Variants in PHF20 observed in about 807,000 individuals in gnomAD.
The protein encoded by PHF20 is glioma-expressed antigen 2.
PHF20 carries 23 observed loss-of-function variants against 113.5 expected under a neutral mutation model. The observed-to-expected ratio is 0.20, with a 90% CI of 0.15 to 0.29. PHF20 has a LOEUF of 0.29. Ranked by LOEUF, PHF20 falls within the 10% of genes least tolerant of loss-of-function variation. The pLI, the probability that PHF20 is intolerant of heterozygous loss-of-function variation, is 1.00. For missense variants in PHF20, 943 were observed against 1,219.6 expected, an observed-to-expected ratio of 0.77 and a Z score of 3.38; for synonymous variants, 434 against 457.3, an observed-to-expected ratio of 0.95 and a Z score of 0.65.
intron 9 of PHF20, among the ~76,000 whole-genome samples, chr20:35,891,017 T>C (rs2054839795): frequency 6.6e-6 from 1 of 152,222 alleles, no homozygotes; most frequent in African/African-American, 2.4e-5. Context: ...GGAAACAGTC[T>C]TGGAGAGGCT....
chr20:35,863,207 G>C lies in PHF20; in HGVS notation c.615G>C (p.Lys205Asn), dbSNP rs1287810590. Residue 205 changes from lysine to asparagine, a missense_variant, in exon 6 of 18, where the codon AAG becomes AAC. Physicochemically the swap from Lys to Asn is moderately conservative, Grantham distance 94 (BLOSUM62 0). This residue lies in a region of PHF20 where 592 missense variants were observed against 787.2 expected (regional missense o/e 0.75). Coordinates refer to ENST00000374012, the MANE Select transcript of PHF20 (RefSeq NM_016436.5). ...DKEGKLICSE[K>N]GKVSEKSLPK... ...AAGGAAAGTTAATCTGTTCTGAAAA[G>C]GGGAAAGTGTCAGAGAAAAGTCTTC... The C allele has an allele frequency of 6.2e-7, 1 of 1,613,826 alleles. No individual in the cohort carries two copies. The highest frequency in any genetic ancestry group is 1.3e-5 in the African/African-American group (1 of 74,886).
At chr20:35,791,296 A>T (rs1253330847) in intron 1 of PHF20, among the ~76,000 whole-genome samples, 2 of 152,144 alleles carry the variant, frequency 1.3e-5, no homozygotes, top group East Asian at 3.9e-4. Context: ...CCAATACCTG[A>T]CTAGCCTTGG....
chr20:35,850,909 G>T, intron 4 of PHF20: 1 of 688,570 alleles, frequency 1.5e-6, no homozygotes, highest in Admixed American at 2.0e-5. Context: ...TTGACCAAGG[G>T]AAACATCGTG....
chr20:35,891,308 CG>C (rs2147038176), intron 9 of PHF20, among the ~76,000 whole-genome samples: 1 of 146,400 alleles, frequency 6.8e-6, no homozygotes, highest in African/African-American at 2.5e-5. Flanking sequence ...ACCCAGGAGG[CG>C]GAGGTTGCAG....
At chr20:35,937,834 T>G (rs1227939442) in intron 15 of PHF20, among the ~76,000 whole-genome samples, 1 of 152,214 alleles carries the variant, frequency 6.6e-6, no homozygotes, top group Admixed American at 6.5e-5. Flanking sequence ...TTTGTCAGTC[T>G]GAGGGTCTCT....
chr20:35,946,159 C>T (rs964566775), intron 17 of PHF20, among the ~76,000 whole-genome samples: 11 of 150,028 alleles, frequency 7.3e-5, no homozygotes, highest in Admixed American at 6.0e-4. Context: ...GCAACAAGAG[C>T]GAAACTCTGT....
intron 2 of PHF20, among the ~76,000 whole-genome samples, chr20:35,841,657 A>T (rs2042537419): frequency 1.3e-5 from 2 of 151,898 alleles, no homozygotes; most frequent in Admixed American, 1.3e-4. Flanking sequence ...GTAGTCCCAG[A>T]TACTCAGGAA....
chr20:35,914,058 T>C lies in PHF20; in HGVS notation c.1686T>C (p.Ser562=). ...AATGCCCCTGCAGTGAGGAGATCAG[T>C]GACACCTCCCAGGAACCTTCTCCAC... ...KPECPCSEEI[S]DTSQEPSPPK... The change falls in exon 12 of 18, where the codon AGT becomes AGC. Residue 562 remains serine, a synonymous_variant. Coordinates refer to ENST00000374012, the MANE Select transcript of PHF20 (RefSeq NM_016436.5). 1 of 1,614,134 alleles carries C rather than the reference T, an allele frequency of 6.2e-7. No individual in the cohort carries two copies.
chr20:35,849,483 G>A (rs2042680787), intron 4 of PHF20: 1 of 468,896 alleles, frequency 2.1e-6, no homozygotes, highest in Non-Finnish European at 4.4e-6. Context: ...GGTTAATCAT[G>A]GTAGGCACCT....
intron 2 of PHF20, among the ~76,000 whole-genome samples, chr20:35,834,109 T>A (rs1173779103): frequency 6.6e-6 from 1 of 151,826 alleles, no homozygotes; most frequent in African/African-American, 2.4e-5. Flanking sequence ...TTTATTCAAG[T>A]GCTTTAGAAG....
intron 17 of PHF20, among the ~76,000 whole-genome samples, chr20:35,944,276 G>A (rs1024065884): frequency 3.3e-5 from 5 of 152,200 alleles, no homozygotes. Context: ...TAGACAGACA[G>A]CTTCCATCTC....
intron 13 of PHF20, among the ~76,000 whole-genome samples, chr20:35,920,542 A>G (rs2055492232): frequency 6.6e-6 from 1 of 152,264 alleles, no homozygotes; most frequent in Non-Finnish European, 1.5e-5. Flanking sequence ...TTGTAGAACC[A>G]TTAAATAAGT....
At chr20:35,837,434 G>A (rs1012992691) in intron 2 of PHF20, among the ~76,000 whole-genome samples, 4 of 152,128 alleles carry the variant, frequency 2.6e-5, no homozygotes, top group Admixed American at 6.5e-5. Flanking sequence ...GGAAACTAGA[G>A]TCTCATCAGT....
chr20:35,917,072 CAG>C, intron 12 of PHF20: 1 of 256,590 alleles, frequency 3.9e-6, no homozygotes, highest in Non-Finnish European at 7.7e-6. Context: ...CCTTTGTTTA[CAG>C]AGTTTTAAAG....
chr20:35,921,747 T>C (rs1174572098), intron 13 of PHF20, among the ~76,000 whole-genome samples: 1 of 151,558 alleles, frequency 6.6e-6, no homozygotes. Context: ...CTATCATTTT[T>C]TAGTAGATTT....
At chr20:35,816,514 A>G (rs1192451188) in intron 2 of PHF20, among the ~76,000 whole-genome samples, 1 of 151,328 alleles carries the variant, frequency 6.6e-6, no homozygotes, top group Non-Finnish European at 1.5e-5. Flanking sequence ...CAATGGCGCA[A>G]TCTCCGGTCA....
At chr20:35,842,797 G>A in intron 3 of PHF20, 53 bp downstream of exon 3, 5 of 1,512,854 alleles carry the variant, frequency 3.3e-6, no homozygotes, top group Non-Finnish European at 4.5e-6. Flanking sequence ...CCATTGGGCT[G>A]TTTGTGTTTC....
chr20:35,815,867 A>C (rs967605044), intron 2 of PHF20, among the ~76,000 whole-genome samples: 8 of 152,204 alleles, frequency 5.3e-5, no homozygotes, highest in Non-Finnish European at 1.0e-4. Flanking sequence ...ACTCTGTCTC[A>C]AAAAAACAAA....
chr20:35,918,184 G>A (rs1317470547), intron 13 of PHF20, among the ~76,000 whole-genome samples: 1 of 152,038 alleles, frequency 6.6e-6, no homozygotes, highest in Non-Finnish European at 1.5e-5. Flanking sequence ...GGGAAACCAT[G>A]CCTGGCCAGC....
Sources: gnomAD v4.1 joint callset for allele counts (sites outside exome capture counted in the v4.1 genomes callset) on GRCh38, gnomAD v4.1.1 for gene constraint, gnomAD v4.1.1 regional missense constraint, MANE v1.5 for transcripts, NCBI Gene and HGNC (gene_info 2026-07-23, HGNC 2026-07-21) for gene names.